HSD17B2: variants seen among roughly 807,000 people sequenced by gnomAD.
The protein encoded by HSD17B2 is hydroxysteroid 17-beta dehydrogenase 2.
A neutral mutation model predicts 26.9 loss-of-function variants in HSD17B2; 32 were observed. The observed-to-expected ratio is 1.19, with a 90% CI of 0.90 to 1.60. The LOEUF (loss-of-function observed/expected upper bound fraction) is 1.60. Ranked by LOEUF, HSD17B2 falls within the 40% of genes most tolerant of loss-of-function variation. HSD17B2 has a pLI of 0.00. For synonymous variants in HSD17B2, 246 were observed against 186.7 expected, an observed-to-expected ratio of 1.32 and a Z score of -2.59; for missense variants, 613 against 468.6, an observed-to-expected ratio of 1.31 and a Z score of -2.85.
intron 3 of HSD17B2, among the ~76,000 whole-genome samples, chr16:82,083,626 C>T (rs1349638375): frequency 4.6e-5 from 7 of 152,176 alleles, no homozygotes; most frequent in Non-Finnish European, 1.0e-4. Flanking sequence ...CCATGAGGAT[C>T]TGGGGCAGCA....
At chr16:82,069,206 C>T (rs1482100446) in intron 2 of HSD17B2, among the ~76,000 whole-genome samples, 1 of 152,338 alleles carries the variant, frequency 6.6e-6, no homozygotes, top group East Asian at 1.9e-4. Flanking sequence ...AGGATAATGG[C>T]TTCCAGCTCC....
At chr16:82,080,541 T>C (rs1253221920) in intron 3 of HSD17B2, among the ~76,000 whole-genome samples, 1 of 152,308 alleles carries the variant, frequency 6.6e-6, no homozygotes, top group African/African-American at 2.4e-5. Context: ...AGAAGGAGCA[T>C]GACCCTGCTG....
chr16:82,053,163 A>T (rs999256396), intron 1 of HSD17B2, among the ~76,000 whole-genome samples: 1 of 152,250 alleles, frequency 6.6e-6, no homozygotes, highest in African/African-American at 2.4e-5. Context: ...AGTTGCTAAG[A>T]ACTTTTTTTT....
intron 3 of HSD17B2, 22 bp downstream of exon 3, chr16:82,071,149 T>G (rs770519395): frequency 6.2e-7 from 1 of 1,610,608 alleles, no homozygotes; most frequent in South Asian, 1.1e-5. Flanking sequence ...TTTTCACACA[T>G]GGTCATGGGG....
chr16:82,069,171 T>A (rs931593807), intron 2 of HSD17B2, among the ~76,000 whole-genome samples: 4 of 152,212 alleles, frequency 2.6e-5, no homozygotes, highest in African/African-American at 9.6e-5. Flanking sequence ...GGTGTTTGGT[T>A]TTCTGTTCCT....
intron 3 of HSD17B2, among the ~76,000 whole-genome samples, chr16:82,083,649 T>C (rs1019316475): frequency 8.5e-5 from 13 of 152,182 alleles, no homozygotes; most frequent in African/African-American, 3.1e-4. Context: ...TGACAGTCTG[T>C]ATGCTTGCAG....
intron 3 of HSD17B2, among the ~76,000 whole-genome samples, chr16:82,072,235 T>C (rs567568445): frequency 6.6e-6 from 1 of 150,560 alleles, no homozygotes; most frequent in African/African-American, 2.4e-5. Context: ...AGAGAAAGAG[T>C]TGGGGGAGAC....
chr16:82,068,091 G>A (rs910288003), intron 1 of HSD17B2, 79 bp from the exon 2 acceptor site: 13 of 1,235,952 alleles, frequency 1.1e-5, no homozygotes, highest in Admixed American at 1.8e-5. Context: ...CGTAAACAAC[G>A]TAATATGTTT....
chr16:82,082,942 G>A (rs1904422525), intron 3 of HSD17B2, among the ~76,000 whole-genome samples: 1 of 152,120 alleles, frequency 6.6e-6, no homozygotes. Context: ...TTAGTTTCAT[G>A]TTCTGACTCA....
At chr16:82,073,969 T>C (rs1597133269) in intron 3 of HSD17B2, among the ~76,000 whole-genome samples, 1 of 152,182 alleles carries the variant, frequency 6.6e-6, no homozygotes, top group East Asian at 1.9e-4. Context: ...GGGCTACCTG[T>C]AAGCAAAACA....
Position 82,071,063 on chromosome 16 carries a change from A to G in HSD17B2, c.600A>G (p.Thr200=), listed in dbSNP as rs1567587381. The change falls in exon 3 of 5, where the codon ACA becomes ACG. Residue 200 remains threonine (T), a synonymous_variant. Coordinates refer to ENST00000199936, the MANE Select transcript of HSD17B2 (RefSeq NM_002153.3). ...AVNFFGTVEV[T]KTFLPLLRKS... is the part of the protein sequence containing the mutation. ...ACTTCTTTGGAACTGTGGAGGTCAC[A>G]AAGACGTTTTTGCCTCTTCTTAGAA... is the stretch of plus-strand genomic sequence containing the variant. 6.2e-7 allele frequency: 1 copy of G among 1,614,230 alleles called. No individual in the cohort carries two copies. The highest frequency in any genetic ancestry group is 8.5e-7 in the Non-Finnish European group (1 of 1,180,038).
At chr16:82,053,907 T>C (rs1415555324) in intron 1 of HSD17B2, among the ~76,000 whole-genome samples, 1 of 152,188 alleles carries the variant, frequency 6.6e-6, no homozygotes, top group Non-Finnish European at 1.5e-5. Flanking sequence ...AGAAGTTCAT[T>C]ATCAGTTTTA....
rs1904868146 is a variant in HSD17B2, at chr16:82,097,238, ATG to A, written c.803-835_803-834del. 6 of 150,114 alleles carry A rather than the reference ATG, an allele frequency of 4.0e-5. No homozygotes were observed. The South Asian group carries it at 6.3e-4, about 16-fold the overall frequency. 9.3% of individuals were successfully genotyped at this position (150,114 alleles called of 1,614,324 possible). ...TATGTCTATGTCTATGTCTATGTCT[ATG>A]TCTATGTCTATGTCTATGTCTATGT... On this transcript the variant is annotated intron_variant, in intron 4 of 4. Transcript: ENST00000199936.
intron 4 of HSD17B2, chr16:82,095,151 A>C (rs1904803237): frequency 1.3e-5 from 2 of 152,230 alleles, no homozygotes; most frequent in South Asian, 4.2e-4. Flanking sequence ...GAGGTGTTTA[A>C]AGAAGAATGA....
intron 3 of HSD17B2, among the ~76,000 whole-genome samples, chr16:82,081,420 A>G (rs1236208069): frequency 2.0e-5 from 3 of 152,030 alleles, no homozygotes; most frequent in African/African-American, 7.2e-5. Flanking sequence ...TCTAAGGATG[A>G]TTCCTCCCCA....
At chr16:82,045,309 C>T (rs982229322) in intron 1 of HSD17B2, among the ~76,000 whole-genome samples, 1 of 152,012 alleles carries the variant, frequency 6.6e-6, no homozygotes, top group Non-Finnish European at 1.5e-5. Flanking sequence ...TCTTAAGCTT[C>T]CCTCTTAAGA....
intron 1 of HSD17B2, 42 bp from the exon 2 acceptor site, chr16:82,068,128 C>T: frequency 4.0e-6 from 6 of 1,514,992 alleles, no homozygotes; most frequent in Non-Finnish European, 3.7e-6. Context: ...TCTCCTGTCA[C>T]TCTGGTTTGA....
intron 3 of HSD17B2, among the ~76,000 whole-genome samples, chr16:82,074,548 T>C (rs1914769678): frequency 6.6e-6 from 1 of 152,156 alleles, no homozygotes; most frequent in African/African-American, 2.4e-5. Context: ...CAGGAGTAGC[T>C]ATACTTACAT....
chr16:82,088,336 G>C (rs951868237), intron 3 of HSD17B2, among the ~76,000 whole-genome samples: 4 of 152,128 alleles, frequency 2.6e-5, no homozygotes, highest in African/African-American at 9.7e-5. Context: ...GAGCTACTTT[G>C]TGCCAGGCAC....
Sources: gnomAD v4.1 joint callset for allele counts (sites outside exome capture counted in the v4.1 genomes callset) on GRCh38, gnomAD v4.1.1 for gene constraint, MANE v1.5 for transcripts, NCBI Gene and HGNC (gene_info 2026-07-23, HGNC 2026-07-21) for gene names.